ATP2C1: variants seen among roughly 807,000 people sequenced by gnomAD.
The protein encoded by ATP2C1 is ATPase secretory pathway Ca2+ transporting 1.
A neutral mutation model predicts 120.5 loss-of-function variants in ATP2C1; 31 were observed. That is an observed-to-expected ratio of 0.26 (90% CI 0.19 to 0.35). The LOEUF is 0.35. Among genes scored for constraint, ATP2C1 ranks in the 10% least tolerant of loss-of-function variants. The probability of loss-of-function intolerance (pLI) is 1.00; values close to 1 mark genes in which losing one functional copy is unlikely to be tolerated. For missense variants in ATP2C1, 731 were observed against 1,107.5 expected (o/e 0.66, Z 4.83); for synonymous variants, 351 against 358.7 (o/e 0.98, Z 0.24).
Position 130,975,444 on chromosome 3 carries a change from T to C in ATP2C1, c.1526T>C (p.Val509Ala), listed in dbSNP as rs2061496059. Residue 509 changes from valine (V) to alanine (A), a missense_variant, in exon 18 of 28, where the codon GTG (valine) becomes GCG (alanine). Physicochemically the swap from Val to Ala is moderately conservative, Grantham distance 64. This residue lies in a region of ATP2C1 where 571 missense variants were observed against 845.9 expected (regional missense o/e 0.67). Coordinates refer to ENST00000510168, the MANE Select transcript of ATP2C1 (RefSeq NM_001378687.1). ...TLTLTQQQRD[V>A]YQQEKARMGS... ...ACACTTACTCAGCAGCAGAGAGATGTGTACCAACAAGAGAAGGCACGCATG... is the reference window on the plus strand; with the variant it reads ...ACACTTACTCAGCAGCAGAGAGATGCGTACCAACAAGAGAAGGCACGCATG... 6.2e-7 allele frequency: 1 copy of C among 1,613,718 alleles called. No homozygotes were observed. The highest frequency in any genetic ancestry group is 1.7e-5 in the Admixed American group (1 of 59,964).
At chr3:130,932,402 C>CA (rs1220274412) in intron 4 of ATP2C1, among the ~76,000 whole-genome samples, 3 of 152,040 alleles carry the variant, frequency 2.0e-5, no homozygotes, top group African/African-American at 7.2e-5. Context: ...TTGCTGATAT[C>CA]AAACCTACAC....
intron 1 of ATP2C1, among the ~76,000 whole-genome samples, chr3:130,861,098 G>A (rs551184187): frequency 6.6e-6 from 1 of 152,234 alleles, no homozygotes; most frequent in African/African-American, 2.4e-5. Flanking sequence ...GTGAAACCCT[G>A]TCTCTACTAA....
chr3:130,906,515 T>C (rs187695405), intron 2 of ATP2C1, among the ~76,000 whole-genome samples: 50 of 152,200 alleles, frequency 3.3e-4, no homozygotes, highest in African/African-American at 1.0e-3. Context: ...TTTCAGTTTT[T>C]TCAGGTGTAT....
At chr3:130,985,237 AC>A (rs1450767512) in intron 20 of ATP2C1, among the ~76,000 whole-genome samples, 6 of 152,230 alleles carry the variant, frequency 3.9e-5, no homozygotes, top group Admixed American at 3.9e-4. Flanking sequence ...TCTATAACTT[AC>A]GCTTCCAGTG....
intron 26 of ATP2C1, chr3:131,014,472 G>C: frequency 1.6e-6 from 2 of 1,286,558 alleles, no homozygotes; most frequent in Non-Finnish European, 2.1e-6. Flanking sequence ...TTCAACAAAT[G>C]CATCTAAACA....
In ATP2C1 at chr3:131,002,515, A is replaced by G; in HGVS notation, c.*1165A>G. The G allele has an allele frequency of 2.0e-6, 2 of 985,352 alleles. No individual in the cohort carries two copies. The highest frequency in any genetic ancestry group is 2.4e-6 in the Non-Finnish European group (2 of 829,910). The allele number at this position is 985,352 out of a possible 1,614,324, so 61.0% of individuals were successfully genotyped here. ...GTACCTTCTTTTTGTTTCATTGGGCATGCTAGGGAAATAGGTGGATTTTGT... is the reference window on the plus strand; with the variant it reads ...GTACCTTCTTTTTGTTTCATTGGGCGTGCTAGGGAAATAGGTGGATTTTGT... On this transcript the variant is annotated 3_prime_UTR_variant, in exon 28 of 28. Coordinates refer to ENST00000510168, the MANE Select transcript of ATP2C1 (RefSeq NM_001378687.1).
chr3:130,881,294 A>C (rs2068770903), intron 1 of ATP2C1, among the ~76,000 whole-genome samples: 1 of 152,106 alleles, frequency 6.6e-6, no homozygotes, highest in Non-Finnish European at 1.5e-5. Flanking sequence ...GCCAGTGGCA[A>C]TTTAACTTAC....
chr3:130,896,446 G>T (rs1185799704), intron 2 of ATP2C1, among the ~76,000 whole-genome samples: 4 of 152,130 alleles, frequency 2.6e-5, no homozygotes, highest in African/African-American at 9.7e-5. Context: ...ACCATCAAGA[G>T]ACCATTTTTG....
At chr3:130,964,439 G>A (rs1302811278) in intron 13 of ATP2C1, among the ~76,000 whole-genome samples, 1 of 151,982 alleles carries the variant, frequency 6.6e-6, no homozygotes, top group Non-Finnish European at 1.5e-5. Context: ...TGTCATACTT[G>A]AGTTGAATTT....
intron 11 of ATP2C1, 54 bp downstream of exon 11, chr3:130,956,233 G>A (rs1288846432): frequency 2.4e-5 from 26 of 1,084,100 alleles, no homozygotes; most frequent in East Asian, 4.8e-5. Context: ...TTTTTTGAAT[G>A]TGAAGGGTGG....
At chr3:130,964,502 T>C (rs1215330191) in intron 13 of ATP2C1, among the ~76,000 whole-genome samples, 1 of 152,126 alleles carries the variant, frequency 6.6e-6, no homozygotes, top group African/African-American at 2.4e-5. Context: ...CAAAACTTTA[T>C]GTGCAATATG....
intron 1 of ATP2C1, among the ~76,000 whole-genome samples, chr3:130,856,474 T>TTTA (rs1205731822): frequency 6.6e-6 from 1 of 152,220 alleles, no homozygotes; most frequent in Non-Finnish European, 1.5e-5. Context: ...TACAACTTGA[T>TTTA]TTAAGAAATG....
rs553283975 is a variant in ATP2C1 at position 130,934,809 on chromosome 3, T to C, written c.324+98T>C. The C allele has an allele frequency of 8.5e-5, 69 of 807,916 alleles. 3 individuals are homozygous for C. The South Asian group carries it at 8.9e-4, about 10-fold the overall frequency. 50.0% of individuals were successfully genotyped at this position (807,916 alleles called of 1,614,324 possible). ...ATAAATTGAGAAGTGCTCTCAGATT[T>C]TTTTCAGTGTCCAAATTCTGCTTTT... On this transcript the variant is annotated intron_variant, in intron 5 of 27. Transcript: ENST00000510168.
upstream of ATP2C1, among the ~76,000 whole-genome samples, chr3:130,890,665 C>T (rs1451620596): frequency 6.6e-6 from 1 of 152,142 alleles, no homozygotes; most frequent in East Asian, 1.9e-4. Flanking sequence ...ATGAGTCCTT[C>T]AATTTTTATT....
chr3:130,922,343 T>G lies in ATP2C1; in HGVS notation c.7-8073T>G, dbSNP rs1432824503. ...TTTCTAATTGAGCTTATTTGGATCT[T>G]GTCTCTTCTTTTCTTGGCTAATGTT... On this transcript the variant is annotated intron_variant, in intron 2 of 27. Coordinates refer to ENST00000510168, the MANE Select transcript of ATP2C1 (RefSeq NM_001378687.1). Among the ~76,000 whole-genome samples, 3 of 152,232 alleles carry G rather than the reference T, an allele frequency of 2.0e-5. No individual in the cohort carries two copies. In the East Asian group the frequency reaches 5.8e-4, roughly 29 times the overall value.
intron 4 of ATP2C1, among the ~76,000 whole-genome samples, chr3:130,932,535 T>C (rs1190101546): frequency 6.6e-6 from 1 of 152,144 alleles, no homozygotes; most frequent in Non-Finnish European, 1.5e-5. Context: ...CCTTCATTTC[T>C]TACCAGTTGT....
chr3:130,907,990 G>T (rs2058217479), intron 2 of ATP2C1, among the ~76,000 whole-genome samples: 3 of 152,044 alleles, frequency 2.0e-5, no homozygotes, highest in Admixed American at 6.6e-5. Flanking sequence ...TACATGAAAA[G>T]ATGTTCAACC....
rs770230019 is a variant in ATP2C1, at chr3:130,953,814, C to G, written c.532-7C>G. The G allele has an allele frequency of 7.7e-5, 125 of 1,613,772 alleles. No individual in the cohort carries two copies. Among genetic ancestry groups the G allele is most frequent in the Admixed American group, 1.7e-4 (10 of 59,970 alleles). ...ATTTGAATCTGGGATTCTTTATGTT[C>G]CCTAAGGCTGTGGATCTTTCCATTG... is the stretch of plus-strand genomic sequence containing the variant. On this transcript the variant is annotated splice_polypyrimidine_tract_variant and splice_region_variant and intron_variant, in intron 8 of 27. Coordinates refer to ENST00000510168, the MANE Select transcript of ATP2C1 (RefSeq NM_001378687.1).
At chr3:130,867,523 C>T (rs1450002171) in intron 1 of ATP2C1, among the ~76,000 whole-genome samples, 1 of 148,740 alleles carries the variant, frequency 6.7e-6, no homozygotes, top group Non-Finnish European at 1.5e-5. Flanking sequence ...AGCTCCTAAC[C>T]GCGAGTGATC....
Sources: allele counts gnomAD v4.1 joint callset (sites outside exome capture counted in the v4.1 genomes callset), GRCh38; gene constraint gnomAD v4.1.1; regional missense constraint gnomAD v4.1.1; transcripts MANE v1.5; gene names NCBI Gene and HGNC (gene_info 2026-07-23, HGNC 2026-07-21).